Variants in PGM5 observed in about 807,000 individuals in gnomAD.
The protein encoded by PGM5 is phosphoglucomutase 5.
A neutral mutation model predicts 59.2 loss-of-function variants in PGM5; 23 were observed. That is an observed-to-expected ratio of 0.39 (90% CI 0.28 to 0.55). The LOEUF (loss-of-function observed/expected upper bound fraction) is 0.55. Among genes scored for constraint, PGM5 ranks in the 20% least tolerant of loss-of-function variants. The pLI is 0.66. For synonymous variants in PGM5, 214 were observed against 286.0 expected (o/e 0.75, Z 2.54); for missense variants, 574 against 748.3 (o/e 0.77, Z 2.72).
At chr9:68,504,817 G>A (rs1554688903) in intron 10 of PGM5, among the ~76,000 whole-genome samples, 1 of 152,126 alleles carries the variant, frequency 6.6e-6, no homozygotes, top group Non-Finnish European at 1.5e-5. Context: ...AGTGCACCTG[G>A]TACATGGTAA....
chr9:68,401,223 A>AT (rs1187131945), intron 6 of PGM5, among the ~76,000 whole-genome samples: 1 of 151,900 alleles, frequency 6.6e-6, no homozygotes, highest in Non-Finnish European at 1.5e-5. Context: ...CTTTTATTCA[A>AT]TTTTTCTGAG....
At chr9:68,498,843 C>T (rs1824523803) in intron 9 of PGM5, 1 of 220,890 alleles carries the variant, frequency 4.5e-6, no homozygotes, top group Non-Finnish European at 9.1e-6. Context: ...GACAAATTGC[C>T]TGCTTTCACT....
At chr9:68,525,997 A>C (rs1824966954) in intron 10 of PGM5, among the ~76,000 whole-genome samples, 1 of 151,974 alleles carries the variant, frequency 6.6e-6, no homozygotes, top group Non-Finnish European at 1.5e-5. Flanking sequence ...CGGAGCTTGC[A>C]GTGAGCCAAG....
rs533735310 is a variant in PGM5, at chr9:68,384,483, C to T, written c.510C>T (p.Ile170=). ...EEYAICPDLR[I]DLSRLGRQEF... The stretch of plus-strand genomic sequence containing the variant: ...ATGCTATATGTCCTGATCTCCGAAT[C>T]GACCTATCTCGACTAGGAAGACAAG... The change falls in exon 3 of 11, where the codon ATC becomes ATT. Residue 170 remains isoleucine, a synonymous_variant. Coordinates refer to ENST00000396396, the MANE Select transcript of PGM5 (RefSeq NM_021965.4). 10 of 1,609,008 alleles carry T rather than the reference C, an allele frequency of 6.2e-6. No homozygotes were observed. The highest frequency in any genetic ancestry group is 1.7e-5 in the Admixed American group (1 of 59,874).
intron 6 of PGM5, among the ~76,000 whole-genome samples, chr9:68,403,949 G>C (rs1445424981): frequency 2.0e-5 from 3 of 152,144 alleles, no homozygotes; most frequent in African/African-American, 7.2e-5. Context: ...AAGACTTCCA[G>C]GAAAATGTTG....
At chr9:68,502,481 T>C (rs994384723) in intron 10 of PGM5, among the ~76,000 whole-genome samples, 1 of 152,032 alleles carries the variant, frequency 6.6e-6, no homozygotes, top group Admixed American at 6.6e-5. Context: ...TAAGGAACAA[T>C]AGAAGATCCA....
chr9:68,382,768 T>C (rs1319653330), intron 2 of PGM5, among the ~76,000 whole-genome samples: 2 of 151,824 alleles, frequency 1.3e-5, no homozygotes, highest in Non-Finnish European at 3.0e-5. Flanking sequence ...AATTCAGAAG[T>C]TGTTGATGAA....
intron 6 of PGM5, among the ~76,000 whole-genome samples, chr9:68,443,596 T>C (rs930755642): frequency 1.3e-5 from 2 of 152,230 alleles, no homozygotes; most frequent in Non-Finnish European, 2.9e-5. Flanking sequence ...CAACTACCAA[T>C]GCTAGACCTC....
intron 6 of PGM5, among the ~76,000 whole-genome samples, chr9:68,423,800 T>C (rs1432084875): frequency 6.6e-6 from 1 of 152,062 alleles, no homozygotes; most frequent in Non-Finnish European, 1.5e-5. Context: ...ATGGGAAAAG[T>C]GTGGTCACGC....
chr9:68,374,282 A>G (rs1368067436), intron 1 of PGM5, among the ~76,000 whole-genome samples: 2 of 152,246 alleles, frequency 1.3e-5, no homozygotes, highest in African/African-American at 4.8e-5. Context: ...TCAGTTCTAT[A>G]TCAGAAGGTT....
intron 6 of PGM5, among the ~76,000 whole-genome samples, chr9:68,406,660 G>A (rs1235393790): frequency 5.2e-5 from 3 of 57,634 alleles, no homozygotes; most frequent in Non-Finnish European, 9.6e-5. Flanking sequence ...ATTAAATTAG[G>A]TATATATATA....
At chr9:68,463,160 C>T (rs1433253644) in intron 6 of PGM5, among the ~76,000 whole-genome samples, 5 of 151,554 alleles carry the variant, frequency 3.3e-5, no homozygotes, top group African/African-American at 9.7e-5. Context: ...TGTTCACCTT[C>T]CCATGGCAAG....
intron 2 of PGM5, among the ~76,000 whole-genome samples, chr9:68,383,070 A>G (rs1376596209): frequency 2.6e-5 from 4 of 151,806 alleles, no homozygotes; most frequent in East Asian, 1.9e-4. Context: ...GAAAAGGGCT[A>G]TGTTTATTTC....
intron 6 of PGM5, among the ~76,000 whole-genome samples, chr9:68,434,805 G>C (rs1345965689): frequency 6.6e-6 from 1 of 151,982 alleles, no homozygotes; most frequent in South Asian, 2.1e-4. Context: ...AAAAAATGGT[G>C]ATCTCTCTGT....
intron 7 of PGM5, among the ~76,000 whole-genome samples, chr9:68,473,305 G>A (rs1824051841): frequency 1.3e-5 from 2 of 152,186 alleles, no homozygotes; most frequent in African/African-American, 4.8e-5. Flanking sequence ...GAGAAATAAA[G>A]GGAAAATTTG....
chr9:68,379,995 A>G (rs1230789373), intron 2 of PGM5, among the ~76,000 whole-genome samples: 19 of 152,014 alleles, frequency 1.2e-4, no homozygotes, highest in Non-Finnish European at 2.2e-4. Flanking sequence ...ATACAGCAAT[A>G]TAACACTAAT....
At chr9:68,474,624 A>T (rs1305377743) in intron 7 of PGM5, among the ~76,000 whole-genome samples, 2 of 151,664 alleles carry the variant, frequency 1.3e-5, no homozygotes, top group African/African-American at 4.8e-5. Context: ...GGCAGAGAAG[A>T]GCTGAGCGCC....
intron 9 of PGM5, among the ~76,000 whole-genome samples, chr9:68,494,530 T>G (rs989949858): frequency 6.6e-6 from 1 of 152,240 alleles, no homozygotes; most frequent in South Asian, 2.1e-4. Flanking sequence ...TTTAAAATCC[T>G]AATTCCCAAG....
chr9:68,444,136 T>C (rs1323958526), intron 6 of PGM5, among the ~76,000 whole-genome samples: 9 of 151,928 alleles, frequency 5.9e-5, no homozygotes, highest in Non-Finnish European at 1.0e-4. Context: ...CAGATAGCCT[T>C]TTAGTTCAAG....
Sources: allele counts gnomAD v4.1 joint callset (sites outside exome capture counted in the v4.1 genomes callset), GRCh38; gene constraint gnomAD v4.1.1; transcripts MANE v1.5; gene names NCBI Gene and HGNC (gene_info 2026-07-23, HGNC 2026-07-21).